GPR137: variants seen among roughly 807,000 people sequenced by gnomAD.
The protein encoded by GPR137 is G protein-coupled receptor 137, also known as integral membrane protein GPR137.
In GPR137, 20 loss-of-function variants were observed where a neutral mutation model predicts 38.9. The observed-to-expected ratio is 0.51, with a 90% confidence interval of 0.36 to 0.75. The LOEUF is 0.75. GPR137 is among the 30% of genes least tolerant of loss of function. The probability of loss-of-function intolerance (pLI) is 0.00; values close to 1 mark genes in which losing one functional copy is unlikely to be tolerated. For synonymous variants in GPR137, 226 were observed against 235.8 expected, an observed-to-expected ratio of 0.96 and a Z score of 0.38; for missense variants, 456 against 526.4, an observed-to-expected ratio of 0.87 and a Z score of 1.31.
chr11:64,276,581 C>A (rs1288486825), intron 2 of GPR137, among the ~76,000 whole-genome samples: 1 of 152,174 alleles, frequency 6.6e-6, no homozygotes, highest in Non-Finnish European at 1.5e-5. Flanking sequence ...AGTGCCTCGG[C>A]CCCCCAAAGT....
At chr11:64,278,113 C>A (rs1202585143) in intron 2 of GPR137, among the ~76,000 whole-genome samples, 1 of 152,070 alleles carries the variant, frequency 6.6e-6, no homozygotes, top group Non-Finnish European at 1.5e-5. Context: ...CACAGAAAGA[C>A]CCTTGTCTCT....
In GPR137 at chr11:64,287,836, C is replaced by T. The variant is rs149311005; in HGVS notation, c.523C>T (p.Arg175Cys). 9 of 1,606,070 alleles carry T rather than the reference C, an allele frequency of 5.6e-6. No homozygotes were observed. The highest frequency in any genetic ancestry group is 2.7e-5 in the African/African-American group (2 of 74,912). ...RAQPWALLLV[R>C]VLVSDSLFVI... ...ACAGCCCTGGGCCCTGCTGCTTGTC[C>T]GCGTCCTGGTGAGCGACTCCCTGTT... The change falls in exon 3 of 7, where the codon CGC (arginine) becomes TGC (cysteine). Residue 175 changes from arginine (R) to cysteine (C), a missense_variant. By Grantham distance (180) the Arg-to-Cys change is radical. Coordinates refer to ENST00000438980, the MANE Select transcript of GPR137 (RefSeq NM_001170880.2).
chr11:64,275,006 A>AAAAAAAAAAAAG (rs2032951000), upstream of GPR137, among the ~76,000 whole-genome samples: 1 of 150,384 alleles, frequency 6.6e-6, no homozygotes, highest in African/African-American at 2.5e-5. Context: ...AAAAAAAAAA[A>AAAAAAAAAAAAG]AAAAAAAAAG....
chr11:64,273,749 G>T (rs2032820072), upstream of GPR137, among the ~76,000 whole-genome samples: 1 of 150,536 alleles, frequency 6.6e-6, no homozygotes, highest in African/African-American at 2.4e-5. Flanking sequence ...AGGCGCGGTG[G>T]CAGGCACCTG....
upstream of GPR137, among the ~76,000 whole-genome samples, chr11:64,273,876 A>AAG (rs1477858164): frequency 6.6e-6 from 1 of 151,184 alleles, no homozygotes; most frequent in Non-Finnish European, 1.5e-5. Flanking sequence ...AAAAAAAAAA[A>AAG]AAAAGAGAGG....
upstream of GPR137, among the ~76,000 whole-genome samples, chr11:64,273,150 C>T (rs2032767557): frequency 6.6e-6 from 1 of 151,664 alleles, no homozygotes; most frequent in South Asian, 2.1e-4. Flanking sequence ...AGGTGGATCA[C>T]CTGAGGTCAG....
chr11:64,287,918 C>A lies in GPR137; in HGVS notation c.605C>A (p.Pro202His), dbSNP rs1457010624. The change falls in exon 3 of 7, where the codon CCC (proline) becomes CAC (histidine). Residue 202 changes from proline (P) to histidine (H), a missense_variant. Physicochemically the swap from Pro to His is moderately conservative, Grantham distance 77. Coordinates refer to ENST00000438980, the MANE Select transcript of GPR137 (RefSeq NM_001170880.2). ...ACLCLVARRA[P>H]STSIYLEAKG... ...CTCTGCCTCGTCGCCAGGCGGGCGC[C>A]CTCCACTAGCATCTACCTGGAGGCC... 1.9e-6 allele frequency: 3 copies of A among 1,601,864 alleles called. No individual in the cohort carries two copies. The African/African-American group carries it at 4.0e-5, about 21-fold the overall frequency.
At position 64,288,004 on chromosome 11, in the gene GPR137, G is replaced by C; in HGVS notation, c.633+58G>C. ...TTGGGTCTCTCGGCAGCGGTTCTCAGGGTGTAGAGGAAGCTGGGAGCCTTC... is the reference window on the plus strand; with the variant it reads ...TTGGGTCTCTCGGCAGCGGTTCTCACGGTGTAGAGGAAGCTGGGAGCCTTC... On this transcript the variant is annotated intron_variant, in intron 3 of 6. Coordinates refer to ENST00000438980, the MANE Select transcript of GPR137 (RefSeq NM_001170880.2). The surrounding 1 kb of genome is among the most constrained non-coding windows in gnomAD (Gnocchi z 5.5). 6.2e-7 allele frequency: 1 copy of C among 1,603,116 alleles called. No individual in the cohort carries two copies. Among genetic ancestry groups the C allele is most frequent in the South Asian group, 1.1e-5 (1 of 91,082 alleles).
At chr11:64,278,040 C>A (rs989116475) in intron 2 of GPR137, among the ~76,000 whole-genome samples, 1 of 152,146 alleles carries the variant, frequency 6.6e-6, no homozygotes, top group African/African-American at 2.4e-5. Context: ...GTAATCCCAA[C>A]ACTTTGGGAG....
At chr11:64,279,965 C>T (rs553435079), upstream of GPR137, among the ~76,000 whole-genome samples, 67 of 152,070 alleles carry the variant, frequency 4.4e-4, no homozygotes, top group African/African-American at 1.5e-3. Context: ...GGGAGGATCA[C>T]TTGGGGCCAG....
intron 2 of GPR137, among the ~76,000 whole-genome samples, chr11:64,279,125 TC>T (rs894745776): frequency 6.6e-6 from 1 of 152,084 alleles, no homozygotes; most frequent in Non-Finnish European, 1.5e-5. Flanking sequence ...ACCTTGCTAC[TC>T]CTTCTACCAT....
upstream of GPR137, among the ~76,000 whole-genome samples, chr11:64,283,052 TCAAAA>T (rs956768345): frequency 6.6e-6 from 1 of 152,090 alleles, no homozygotes. Context: ...AGACCCTGTC[TCAAAA>T]CAAAACAAAA....
chr11:64,273,796 C>T (rs1288185182), upstream of GPR137, among the ~76,000 whole-genome samples: 2 of 140,866 alleles, frequency 1.4e-5, no homozygotes, highest in Non-Finnish European at 3.0e-5. Flanking sequence ...GCAGAAGAAT[C>T]GCTTGAACCT....
chr11:64,271,972 A>G, upstream of GPR137: 1 of 449,694 alleles, frequency 2.2e-6, no homozygotes. Flanking sequence ...ATCGAGGGGA[A>G]GCTCAGGGGC....
Position 64,286,722 on chromosome 11 carries a change from T to A in GPR137, c.198T>A (p.Cys66Ter). Residue 66 changes from cysteine to a stop codon, truncating the protein, a stop_gained, in exon 1 of 7, where the codon TGT becomes TGA. Coordinates refer to ENST00000438980, the MANE Select transcript of GPR137 (RefSeq NM_001170880.2). LOFTEE classifies it high-confidence loss of function. ...ATCAGACGGTGTTCCTGGCCCTCTG[T>A]CTGCTCTGGGCCGCCTTGCGTACCA... ...LSYQTVFLAL[C>*]LLWAALRTTL... 6.2e-7 allele frequency: 1 copy of A among 1,613,756 alleles called. No individual in the cohort carries two copies. The highest frequency in any genetic ancestry group is 8.5e-7 in the Non-Finnish European group (1 of 1,179,780).
chr11:64,287,092 T>C, intron 2 of GPR137, 78 bp downstream of exon 2: 1 of 1,547,092 alleles, frequency 6.5e-7, no homozygotes, highest in South Asian at 1.2e-5. Context: ...CCTTCCCACC[T>C]CTCAGGGCTG....
At chr11:64,283,009 G>A (rs1273191660), upstream of GPR137, among the ~76,000 whole-genome samples, 3 of 152,096 alleles carry the variant, frequency 2.0e-5, no homozygotes, top group African/African-American at 7.2e-5. Flanking sequence ...AGCTGAGATC[G>A]CACCTCTGTA....
At chr11:64,272,431 A>G (rs557212684), upstream of GPR137, among the ~76,000 whole-genome samples, 113 of 152,212 alleles carry the variant, frequency 7.4e-4, no homozygotes, top group African/African-American at 2.6e-3. Context: ...GAGGAAGCCA[A>G]TCCCTTGGAT....
At chr11:64,273,531 TAA>T (rs1431157657), upstream of GPR137, among the ~76,000 whole-genome samples, 1 of 151,978 alleles carries the variant, frequency 6.6e-6, no homozygotes, top group Non-Finnish European at 1.5e-5. Flanking sequence ...CCCAGACCGA[TAA>T]AGACTTAGAA....
Sources: allele counts gnomAD v4.1 joint callset (sites outside exome capture counted in the v4.1 genomes callset), GRCh38; gene constraint gnomAD v4.1.1; non-coding constraint Gnocchi (gnomAD v3.1); transcripts MANE v1.5; gene names NCBI Gene and HGNC (gene_info 2026-07-23, HGNC 2026-07-21).